The following PDE4D variants were observed in gnomAD, a reference collection of about 807,000 sequenced individuals.
The protein encoded by PDE4D is phosphodiesterase 4D.
In PDE4D, 24 loss-of-function variants were observed where a neutral mutation model predicts 87.4. The observed-to-expected ratio is 0.27, with a 90% CI of 0.20 to 0.39. The LOEUF (loss-of-function observed/expected upper bound fraction) is 0.39, where lower values mean the gene tolerates loss of function less well. Among genes scored for constraint, PDE4D ranks in the 10% least tolerant of loss-of-function variants. The probability of loss-of-function intolerance (pLI) is 1.00; values close to 1 mark genes in which losing one functional copy is unlikely to be tolerated. For synonymous variants in PDE4D, 384 were observed against 383.2 expected (o/e 1.00, Z -0.02); for missense variants, 714 against 1,041.0 (o/e 0.69, Z 4.32).
At chr5:59,528,987 G>A in intron 1 of PDE4D, 1 of 458,174 alleles carries the variant, frequency 2.2e-6, no homozygotes, top group Non-Finnish European at 4.4e-6. Context: ...TAAGAGCCCA[G>A]CTGAAACAAG....
At chr5:58,985,136 G>A (rs143583098) in intron 11 of PDE4D, among the ~76,000 whole-genome samples, 2 of 152,018 alleles carry the variant, frequency 1.3e-5, no homozygotes, top group Non-Finnish European at 2.9e-5. Context: ...GCTGGTCTCC[G>A]AACTCCTGAC....
At chr5:59,905,990 T>C (rs755407693) in intron 3 of PDE4D, among the ~76,000 whole-genome samples, 1 of 152,168 alleles carries the variant, frequency 6.6e-6, no homozygotes, top group African/African-American at 2.4e-5. Context: ...TTATTTCTAT[T>C]CCATATGTGT....
At chr5:59,463,881 CT>C (rs1156294724) in intron 1 of PDE4D, among the ~76,000 whole-genome samples, 3 of 152,182 alleles carry the variant, frequency 2.0e-5, no homozygotes, top group Non-Finnish European at 4.4e-5. Flanking sequence ...AAGAAAAATT[CT>C]TCTGCCTTGA....
At chr5:59,802,165 C>T (rs1208019250) in intron 1 of PDE4D, among the ~76,000 whole-genome samples, 2 of 152,080 alleles carry the variant, frequency 1.3e-5, no homozygotes, top group Admixed American at 1.3e-4. Context: ...ATGCCCAGAT[C>T]ACAGCCCACA....
chr5:59,364,643 T>C (rs542533733), intron 1 of PDE4D, among the ~76,000 whole-genome samples: 3 of 152,162 alleles, frequency 2.0e-5, no homozygotes, highest in Admixed American at 1.3e-4. Flanking sequence ...CACTGGATGG[T>C]GAAATGCATG....
intron 2 of PDE4D, among the ~76,000 whole-genome samples, chr5:60,088,357 A>T (rs1774757372): frequency 6.6e-6 from 1 of 151,838 alleles, no homozygotes; most frequent in African/African-American, 2.4e-5. Context: ...CTATTAAAAA[A>T]CAGAAAAATG....
Position 60,025,756 on chromosome 5 carries a change from A to C in PDE4D, c.43-37039T>G, listed in dbSNP as rs547500785. Among the ~76,000 whole-genome samples the C allele has an allele frequency of 3.9e-5, 6 of 152,248 alleles. No homozygotes were observed. The East Asian group carries it at 7.7e-4, about 20-fold the overall frequency. Reference sequence around the variant, plus strand: ...GTAACAAAGACATCATGATTTAAAAAAAACCCTAAATATTAATCACTTAAA... The same window carrying C: ...GTAACAAAGACATCATGATTTAAAACAAACCCTAAATATTAATCACTTAAA... On this transcript the variant is annotated intron_variant, in intron 2 of 16. Coordinates refer to the PDE4D transcript ENST00000502484.
Position 59,152,347 on chromosome 5 carries a change from T to C in PDE4D, c.808+28248A>G, listed in dbSNP as rs547993750. Among the ~76,000 whole-genome samples, 471 of 138,864 alleles carry C rather than the reference T, an allele frequency of 3.4e-3. 2 individuals are homozygous for C. Among genetic ancestry groups the C allele is most frequent in the South Asian group, 0.023 (102 of 4,428 alleles). The allele number at this position is 138,864 out of a possible 152,430, so 91.1% of individuals were successfully genotyped here. A position where few individuals can be genotyped will look rare whatever the true frequency, so the allele number is the denominator to read the frequency against. ...AGACAGTGGAAGGATGGAAAAGAAA[T>C]GTATTTCTGCTAATAATTTTAACCT... is the stretch of plus-strand genomic sequence containing the variant. On this transcript the variant is annotated intron_variant, in intron 5 of 14. Coordinates refer to ENST00000340635, the MANE Select transcript of PDE4D (RefSeq NM_001104631.2).
At chr5:59,427,149 A>C (rs1373717236) in intron 1 of PDE4D, among the ~76,000 whole-genome samples, 1 of 151,954 alleles carries the variant, frequency 6.6e-6, no homozygotes, top group Non-Finnish European at 1.5e-5. Context: ...ATCCCCAACC[A>C]CTTAAGCCAG....
At chr5:59,092,352 T>C (rs1768896986) in intron 5 of PDE4D, among the ~76,000 whole-genome samples, 1 of 152,278 alleles carries the variant, frequency 6.6e-6, no homozygotes, top group South Asian at 2.1e-4. Context: ...AGAATTCAAA[T>C]AGATCGTCTG....
rs554044826 is a variant in PDE4D, at chr5:59,542,044, C to T, written c.456-326076G>A. Among the ~76,000 whole-genome samples, 11 of 152,234 alleles carry T rather than the reference C, an allele frequency of 7.2e-5. No homozygotes were observed. The South Asian group carries it at 2.3e-3, about 32-fold the overall frequency. Reference sequence around the variant, plus strand: ...CCTTCTAGCTTTGGATCTCCTGTAACCCCAAATAGCCTAATCTATGCCGGG... The same window carrying T: ...CCTTCTAGCTTTGGATCTCCTGTAATCCCAAATAGCCTAATCTATGCCGGG... On this transcript the variant is annotated intron_variant, in intron 1 of 14. Transcript: ENST00000340635.
rs764038543 is a variant in PDE4D, at chr5:59,649,903, AC to A, written c.455+243264del. Among the ~76,000 whole-genome samples, 101 of 20,238 alleles carry A rather than the reference AC, an allele frequency of 5.0e-3. 31 individuals are homozygous for A. The highest frequency in any genetic ancestry group is 0.041 in the South Asian group (11 of 268). 13.3% of individuals were successfully genotyped at this position (20,238 alleles called of 152,430 possible). A position where few individuals can be genotyped will look rare whatever the true frequency, so the allele number is the denominator to read the frequency against. ...TTGTTAAAATGTTGATAGTTTGTGAACCTTTTTTTTTTTTTTTTTTTTTTTT... is the reference window on the plus strand; with the variant it reads ...TTGTTAAAATGTTGATAGTTTGTGAACTTTTTTTTTTTTTTTTTTTTTTTT... On this transcript the variant is annotated intron_variant, in intron 1 of 14. Coordinates refer to ENST00000340635, the MANE Select transcript of PDE4D (RefSeq NM_001104631.2).
intron 1 of PDE4D, among the ~76,000 whole-genome samples, chr5:60,396,408 GTCT>G (rs1561205283): frequency 6.6e-6 from 1 of 152,124 alleles, no homozygotes; most frequent in Non-Finnish European, 1.5e-5. Flanking sequence ...TTTCTTACGG[GTCT>G]TCTTCTCATG....
chr5:59,342,800 AT>A (rs1778958909), intron 1 of PDE4D, among the ~76,000 whole-genome samples: 2 of 152,142 alleles, frequency 1.3e-5, no homozygotes, highest in African/African-American at 4.8e-5. Flanking sequence ...CAAAAAATTC[AT>A]TTAAAAATAT....
chr5:60,493,067 TATTAATC>T (rs1561313389), upstream of PDE4D, among the ~76,000 whole-genome samples: 1 of 152,322 alleles, frequency 6.6e-6, no homozygotes, highest in East Asian at 1.9e-4. Context: ...TGTTGGTCAC[TATTAATC>T]ATCAGTTTTT....
Position 59,893,434 on chromosome 5 carries a change from G to T in PDE4D, c.189C>A (p.Pro63=). The T allele has an allele frequency of 6.6e-7, 1 of 1,508,416 alleles. No individual in the cohort carries two copies. Among genetic ancestry groups the T allele is most frequent in the Non-Finnish European group, 8.9e-7 (1 of 1,126,032 alleles). 93.4% of individuals were successfully genotyped at this position (1,508,416 alleles called of 1,614,324 possible). Reference sequence around the variant, plus strand: ...GACACTGGGGCTGGGGCTGGGGCGAGGGTGGCGGCGGCGGGGGCAGGTGGT... The same window carrying T: ...GACACTGGGGCTGGGGCTGGGGCGATGGTGGCGGCGGCGGGGGCAGGTGGT... The part of the protein sequence containing the change: ...PHHHLPPPPP[P]SPQPQPQCPL... Residue 63 remains proline (P), a synonymous_variant, in exon 1 of 15, where the codon CCC becomes CCA. Transcript: ENST00000340635.
chr5:60,453,652 C>T (rs1193330550), intron 1 of PDE4D, among the ~76,000 whole-genome samples: 1 of 151,958 alleles, frequency 6.6e-6, no homozygotes, highest in Non-Finnish European at 1.5e-5. Context: ...GAAGGATCAG[C>T]TTCGTTATTT....
At position 60,405,714 on chromosome 5, in the gene PDE4D, T is replaced by C. The variant is rs141435201; in HGVS notation, c.-90+82228A>G. On this transcript the variant is annotated intron_variant, in intron 1 of 16. Coordinates refer to the PDE4D transcript ENST00000502484. ...TTGCTGGGTATAAAGCAGATACTTC[T>C]ACTGAGTATAAGCCAGATACTTTAC... is the stretch of plus-strand genomic sequence containing the variant. Among the ~76,000 whole-genome samples, 307 of 152,382 alleles carry C rather than the reference T, an allele frequency of 2.0e-3. 1 individual carries two copies. Among genetic ancestry groups the C allele is most frequent in the African/African-American group, 6.9e-3 (285 of 41,590 alleles).
In PDE4D at chr5:60,449,774, T is replaced by C. The variant is rs529016826; in HGVS notation, c.-90+38168A>G. Among the ~76,000 whole-genome samples, 15 of 151,686 alleles carry C rather than the reference T, an allele frequency of 9.9e-5. No homozygotes were observed. In the East Asian group the frequency reaches 2.9e-3, roughly 29 times the overall value. On this transcript the variant is annotated intron_variant, in intron 1 of 16. Transcript: ENST00000502484. ...CCTGGCTTTATGGCAGTATGATTTG[T>C]AGTCCTTTGGGTATATACCCAGTGA...
Sources: gnomAD v4.1 joint callset for allele counts (sites outside exome capture counted in the v4.1 genomes callset) on GRCh38, gnomAD v4.1.1 for gene constraint, MANE v1.5 for transcripts, NCBI Gene and HGNC (gene_info 2026-07-23, HGNC 2026-07-21) for gene names.